SPECC1L: variants seen among roughly 807,000 people sequenced by gnomAD.
SPECC1L encodes sperm antigen with calponin homology and coiled-coil domains 1 like.
In SPECC1L, 40 loss-of-function variants were observed where a neutral mutation model predicts 116.8. That is an observed-to-expected ratio of 0.34 (90% CI 0.27 to 0.45). The LOEUF (loss-of-function observed/expected upper bound fraction) is 0.45. SPECC1L is among the 20% of genes least tolerant of loss of function. SPECC1L has a pLI of 1.00. For missense variants in SPECC1L, 1,110 were observed against 1,373.6 expected, an observed-to-expected ratio of 0.81 and a Z score of 3.03; for synonymous variants, 504 against 500.6, an observed-to-expected ratio of 1.01 and a Z score of -0.09.
chr22:24,311,603 G>A (rs577863717), intron 3 of SPECC1L, among the ~76,000 whole-genome samples: 4 of 152,122 alleles, frequency 2.6e-5, no homozygotes, highest in East Asian at 3.9e-4. Context: ...CCAGGAGTTC[G>A]AGACCAGCCT....
chr22:24,340,098 T>A (rs2041142285), intron 10 of SPECC1L, among the ~76,000 whole-genome samples: 1 of 150,542 alleles, frequency 6.6e-6, no homozygotes, highest in African/African-American at 2.5e-5. Context: ...TGTCGTAATT[T>A]AAAAAGAAGG....
rs1347742936 is a variant in SPECC1L at position 24,413,078 on chromosome 22, AC to A, written c.3264+372del. Among the ~76,000 whole-genome samples the A allele has an allele frequency of 3.9e-5, 6 of 152,142 alleles. No individual in the cohort carries two copies. In the East Asian group the frequency reaches 1.2e-3, roughly 29 times the overall value. On this transcript the variant is annotated intron_variant, in intron 16 of 16. Transcript: ENST00000314328. ...ATGTTTATAAATCTCGCTGTCAAAA[AC>A]ACCACACCAGCAGGTCCATCTGCCT...
chr22:24,318,933 G>T (rs2040661926), intron 4 of SPECC1L, among the ~76,000 whole-genome samples: 1 of 150,912 alleles, frequency 6.6e-6, no homozygotes. Flanking sequence ...AAAAAAAAAA[G>T]TTATGCCATC....
intron 2 of SPECC1L, among the ~76,000 whole-genome samples, chr22:24,280,433 ACTGT>A (rs771712197): frequency 2.0e-5 from 3 of 151,460 alleles, no homozygotes; most frequent in African/African-American, 7.3e-5. Flanking sequence ...GGATTGACAG[ACTGT>A]CTGTAAAGGG....
chr22:24,355,444 T>TG (rs79596565), intron 11 of SPECC1L, among the ~76,000 whole-genome samples: 31 of 152,222 alleles, frequency 2.0e-4, no homozygotes, highest in African/African-American at 7.5e-4. Context: ...TCTGTCTGTC[T>TG]ACCTACCTAT....
In SPECC1L at chr22:24,296,946, TC is replaced by T. The variant is rs1449216626; in HGVS notation, c.-37-5248del. Among the ~76,000 whole-genome samples the T allele has an allele frequency of 7.7e-3, 1,152 of 150,150 alleles. 2 individuals are homozygous for T. The highest frequency in any genetic ancestry group is 0.027 in the African/African-American group (1,080 of 40,346). ...CTATGATCTGCACAGCTTTAGAATA[TC>T]TTTTTTTTTTTTTTCTGAGACCAAA... is the stretch of plus-strand genomic sequence containing the variant. On this transcript the variant is annotated intron_variant, in intron 2 of 16. Transcript: ENST00000314328.
intron 1 of SPECC1L, among the ~76,000 whole-genome samples, chr22:24,272,490 T>A (rs2048748546): frequency 6.6e-6 from 1 of 152,240 alleles, no homozygotes; most frequent in African/African-American, 2.4e-5. Context: ...CTGGCCAACA[T>A]GGTGAAACCC....
rs753691796 is a variant in SPECC1L, at chr22:24,347,123, C to G, written c.2690C>G (p.Pro897Arg). Residue 897 changes from proline to arginine, a missense_variant, in exon 11 of 17, where the codon CCC (proline) becomes CGC (arginine). Physicochemically the swap from Pro to Arg is moderately radical, Grantham distance 103. Transcript: ENST00000314328. Reference protein sequence around the residue: ...SISGPISTSKPLTALSDKRPN... With the variant: ...SISGPISTSKRLTALSDKRPN... The stretch of plus-strand genomic sequence containing the variant: ...AGTGGACCAATCTCAACATCCAAAC[C>G]CCTGACAGCCCTGTCAGATAAGAGA... 1.2e-6 allele frequency: 2 copies of G among 1,613,990 alleles called. No individual in the cohort carries two copies. The highest frequency in any genetic ancestry group is 1.7e-5 in the Admixed American group (1 of 60,028).
In SPECC1L at chr22:24,330,371, A is replaced by G; in HGVS notation, c.2336A>G (p.His779Arg). 1.2e-6 allele frequency: 2 copies of G among 1,614,216 alleles called. No individual in the cohort carries two copies. Among genetic ancestry groups the G allele is most frequent in the Non-Finnish European group, 8.5e-7 (1 of 1,180,042 alleles). Residue 779 changes from histidine to arginine, a missense_variant, in exon 8 of 17, where the codon CAT (histidine) becomes CGT (arginine). His to Arg is a conservative substitution (Grantham distance 29). This residue lies in a region of SPECC1L where 575 missense variants were observed against 682.4 expected (regional missense o/e 0.84). Transcript: ENST00000314328. ...EEIGDLKRRL[H>R]EAQEKNEKLT... ...ATTGGTGATCTAAAGCGCCGGTTAC[A>G]TGAGGCTCAAGAAAAAAATGAGAAA...
intron 14 of SPECC1L, among the ~76,000 whole-genome samples, chr22:24,411,222 A>AG (rs34730325): frequency 0.4 from 60,125 of 151,538 alleles, 13,106 homozygotes; most frequent in Non-Finnish European, 0.48. Context: ...AAAACAAAAA[A>AG]GGGGGGGTCA....
At chr22:24,304,798 G>A (rs2049457452) in intron 3 of SPECC1L, among the ~76,000 whole-genome samples, 1 of 152,092 alleles carries the variant, frequency 6.6e-6, no homozygotes, top group African/African-American at 2.4e-5. Flanking sequence ...AATCCTCCTC[G>A]GAAACTTGAA....
intron 10 of SPECC1L, among the ~76,000 whole-genome samples, chr22:24,339,083 C>T (rs1347340521): frequency 6.6e-6 from 1 of 152,170 alleles, no homozygotes; most frequent in East Asian, 1.9e-4. Flanking sequence ...GCTGGCTTTC[C>T]TGGGCTCATT....
At chr22:24,400,066 C>G (rs1358906047) in intron 14 of SPECC1L, among the ~76,000 whole-genome samples, 10 of 152,200 alleles carry the variant, frequency 6.6e-5, no homozygotes, top group Admixed American at 3.9e-4. Context: ...ATCTGGCAGC[C>G]TCTTTTATTT....
At chr22:24,387,271 T>C (rs566706085) in intron 14 of SPECC1L, among the ~76,000 whole-genome samples, 3 of 152,316 alleles carry the variant, frequency 2.0e-5, no homozygotes, top group Admixed American at 2.0e-4. Flanking sequence ...ATCTCACACA[T>C]GTAATATTGA....
rs775820123 is a variant in SPECC1L, at chr22:24,322,292, C to T, written c.1312C>T (p.Leu438Phe). The change falls in exon 5 of 17, where the codon CTT (leucine) becomes TTT (phenylalanine). Residue 438 changes from leucine to phenylalanine, a missense_variant. Physicochemically the swap from Leu to Phe is conservative, Grantham distance 22. Around this residue, in one of 4 missense-constraint regions of SPECC1L, gnomAD observed 22 missense variants for 60.1 expected, o/e 0.37. Coordinates refer to ENST00000314328, the MANE Select transcript of SPECC1L (RefSeq NM_015330.6). ...GGAACTGAATAGTGAAAACGAAAGGCTTGGAGAAGAGAAGGTTATTCTGAT... is the reference window on the plus strand; with the variant it reads ...GGAACTGAATAGTGAAAACGAAAGGTTTGGAGAAGAGAAGGTTATTCTGAT... ...TQELNSENER[L>F]GEEKVILMES... 6.2e-7 allele frequency: 1 copy of T among 1,614,080 alleles called. No homozygotes were observed. Among genetic ancestry groups the T allele is most frequent in the African/African-American group, 1.3e-5 (1 of 74,922 alleles).
rs1443718215 is a variant in SPECC1L, at chr22:24,347,071, A to T, written c.2653-15A>T. On this transcript the variant is annotated splice_polypyrimidine_tract_variant and intron_variant, in intron 10 of 16. Transcript: ENST00000314328. Reference sequence around the variant, plus strand: ...AGTCATTTTAACTTTGATGTTGTTTATCTTATGATTTCAGAGACATTCCAT... The same window carrying T: ...AGTCATTTTAACTTTGATGTTGTTTTTCTTATGATTTCAGAGACATTCCAT... The T allele has an allele frequency of 2.5e-6, 4 of 1,601,578 alleles. No homozygotes were observed. Among genetic ancestry groups the T allele is most frequent in the Non-Finnish European group, 3.4e-6 (4 of 1,168,664 alleles).
Position 24,321,496 on chromosome 22 carries a change from C to G in SPECC1L, c.516C>G (p.Asp172Glu). The G allele has an allele frequency of 6.2e-7, 1 of 1,614,246 alleles. No individual in the cohort carries two copies. Among genetic ancestry groups the G allele is most frequent in the Non-Finnish European group, 8.5e-7 (1 of 1,180,044 alleles). The change falls in exon 5 of 17, where the codon GAC becomes GAG. Residue 172 changes from aspartate (D) to glutamate (E), a missense_variant. Asp to Glu is a conservative substitution (Grantham distance 45). This residue lies in a region of SPECC1L where 437 missense variants were observed against 482.6 expected (regional missense o/e 0.91). Transcript: ENST00000314328. ...TTCGTATGAGCAAGTCTAAGTCAGA[C>G]AATCAGATCAGTGACAGAGCTGCTT... ...CDVRMSKSKSDNQISDRAALE... is the reference protein window; with the variant it reads ...CDVRMSKSKSENQISDRAALE...
chr22:24,411,390 CAGCCATCTACAG>C (rs1194776525), intron 14 of SPECC1L, among the ~76,000 whole-genome samples, 186 bp from the exon 15 acceptor site: 4 of 152,116 alleles, frequency 2.6e-5, no homozygotes, highest in Non-Finnish European at 5.9e-5. Context: ...CACGTAGGGG[CAGCCATCTACAG>C]CTGGTGGGTG....
chr22:24,340,244 G>A (rs1306692171), intron 10 of SPECC1L, among the ~76,000 whole-genome samples: 20 of 148,066 alleles, frequency 1.4e-4, no homozygotes, highest in South Asian at 2.1e-4. Flanking sequence ...CACCTCCTGG[G>A]TTCAAGTGAT....
Sources: gnomAD v4.1 joint callset for allele counts (sites outside exome capture counted in the v4.1 genomes callset) on GRCh38, gnomAD v4.1.1 for gene constraint, gnomAD v4.1.1 regional missense constraint, MANE v1.5 for transcripts, NCBI Gene and HGNC (gene_info 2026-07-23, HGNC 2026-07-21) for gene names.